The following MAPK6 variants were observed in gnomAD, a reference collection of about 807,000 sequenced individuals.
The protein encoded by MAPK6 is mitogen-activated protein kinase 6, also known as ERK-3.
In MAPK6, 19 loss-of-function variants were observed where a neutral mutation model predicts 59.3. The ratio of observed to expected loss-of-function variants is 0.32; its 90% CI spans 0.22 to 0.47. The LOEUF is 0.47. Ranked by LOEUF, MAPK6 falls within the 20% of genes least tolerant of loss-of-function variation. The probability of loss-of-function intolerance (pLI) is 1.00; values close to 1 mark genes in which losing one functional copy is unlikely to be tolerated. For synonymous variants in MAPK6, 316 were observed against 290.3 expected (o/e 1.09, Z -0.90); for missense variants, 724 against 847.9 (o/e 0.85, Z 1.81).
chr15:52,017,486 C>CTATTTTCATTTTTTTTGTGGA (rs1323678524), upstream of MAPK6: 1 of 152,240 alleles, frequency 6.6e-6, no homozygotes, highest in East Asian at 1.9e-4. Flanking sequence ...TCAGTTAAGG[C>CTATTTTCATTTTTTTTGTGGA]TATTTTCATT....
Position 52,046,901 on chromosome 15 carries a change from T to A in MAPK6, c.441T>A (p.Asn147Lys), listed in dbSNP as rs1362268703. The A allele has an allele frequency of 6.2e-7, 1 of 1,613,880 alleles. No homozygotes were observed. Among genetic ancestry groups the A allele is most frequent in the Admixed American group, 1.7e-5 (1 of 59,950 alleles). The stretch of plus-strand genomic sequence containing the variant: ...GGCTCAAGTATATTCACTCTGCAAA[T>A]GTACTGCACAGAGATCTCAAACCAG... Reference protein sequence around the residue: ...LRGLKYIHSANVLHRDLKPAN... With the variant: ...LRGLKYIHSAKVLHRDLKPAN... Residue 147 changes from asparagine to lysine, a missense_variant, in exon 2 of 6, where the codon AAT (asparagine) becomes AAA (lysine). By Grantham distance (94) the Asn-to-Lys change is moderately conservative (BLOSUM62 0). Transcript: ENST00000261845.
intron 2 of MAPK6, among the ~76,000 whole-genome samples, chr15:51,989,710 C>G (rs534308226): frequency 6.6e-6 from 1 of 152,288 alleles, no homozygotes; most frequent in Non-Finnish European, 1.5e-5. Flanking sequence ...AGCAGTCCTC[C>G]TGCCTCAGTC....
At chr15:52,050,638 T>C (rs996473895) in intron 3 of MAPK6, among the ~76,000 whole-genome samples, 1 of 152,184 alleles carries the variant, frequency 6.6e-6, no homozygotes, top group Non-Finnish European at 1.5e-5. Flanking sequence ...AAAGCATAGG[T>C]CTGTATAAAA....
At chr15:52,003,222 G>A (rs571219831) in intron 2 of MAPK6, among the ~76,000 whole-genome samples, 3 of 151,828 alleles carry the variant, frequency 2.0e-5, no homozygotes, top group Non-Finnish European at 4.4e-5. Flanking sequence ...AAAAAAACAC[G>A]ATCAGATCTC....
At chr15:51,977,757 G>A (rs894910980) in intron 1 of MAPK6, among the ~76,000 whole-genome samples, 1 of 149,472 alleles carries the variant, frequency 6.7e-6, no homozygotes, top group African/African-American at 2.5e-5. Context: ...GAATGACTTC[G>A]AACTCCTGGC....
chr15:52,033,479 C>G (rs772033149), intron 1 of MAPK6, among the ~76,000 whole-genome samples: 2 of 152,202 alleles, frequency 1.3e-5, no homozygotes, highest in African/African-American at 2.4e-5. Context: ...CCTTGAACAT[C>G]AGACTCCAGA....
chr15:51,978,483 G>T lies in MAPK6; in HGVS notation c.-879-4723G>T, dbSNP rs12592087. Among the ~76,000 whole-genome samples, 1,096 of 151,902 alleles carry T rather than the reference G, an allele frequency of 7.2e-3. 33 individuals carry two copies. In the East Asian group the frequency reaches 0.08, roughly 11 times the overall value. On this transcript the variant is annotated intron_variant, in intron 1 of 7. Transcript: ENST00000691380. ...AACTCTATTACCACACCCAGCAGGG[G>T]CTGACCAGCATCCTATAATCAAAAT...
At position 52,046,642 on chromosome 15, in the gene MAPK6, A is replaced by G. The variant is rs1427869474; in HGVS notation, c.182A>G (p.His61Arg). 6.2e-7 allele frequency: 1 copy of G among 1,614,108 alleles called. No homozygotes were observed. The highest frequency in any genetic ancestry group is 8.5e-7 in the Non-Finnish European group (1 of 1,180,044). Reference protein sequence around the residue: ...IVLTDPQSVKHALREIKIIRR... With the variant: ...IVLTDPQSVKRALREIKIIRR... ...CTTACTGATCCCCAGAGTGTCAAAC[A>G]TGCTCTACGTGAAATCAAAATTATT... is the stretch of plus-strand genomic sequence containing the variant. The change falls in exon 2 of 6, where the codon CAT becomes CGT. Residue 61 changes from histidine (H) to arginine (R), a missense_variant. His to Arg is a conservative substitution (Grantham distance 29). Around this residue, in one of 4 missense-constraint regions of MAPK6, gnomAD observed 87 missense variants for 93.0 expected, o/e 0.93. Transcript: ENST00000261845.
chr15:51,981,014 C>T (rs2057171231), intron 1 of MAPK6, among the ~76,000 whole-genome samples: 1 of 151,730 alleles, frequency 6.6e-6, no homozygotes, highest in Admixed American at 6.6e-5. Context: ...GATAGCAAAC[C>T]CCTTTCCTGA....
chr15:52,059,818 A>T (rs2032127316), intron 4 of MAPK6, among the ~76,000 whole-genome samples: 1 of 152,210 alleles, frequency 6.6e-6, no homozygotes, highest in South Asian at 2.1e-4. Context: ...AGTTTCTGAG[A>T]CTAAAGATTT....
At chr15:52,024,038 AT>A (rs1363762531) in intron 1 of MAPK6, among the ~76,000 whole-genome samples, 1 of 152,140 alleles carries the variant, frequency 6.6e-6, no homozygotes. Context: ...TAAATTTGGT[AT>A]TTTTTTCACA....
intron 1 of MAPK6, among the ~76,000 whole-genome samples, chr15:52,034,914 T>A (rs1265883026): frequency 6.6e-6 from 1 of 151,854 alleles, no homozygotes; most frequent in Non-Finnish European, 1.5e-5. Context: ...GTCAGGCTGG[T>A]CTTGAACTCC....
intron 1 of MAPK6, among the ~76,000 whole-genome samples, chr15:52,030,178 G>C (rs1380746736): frequency 6.6e-6 from 1 of 152,130 alleles, no homozygotes; most frequent in African/African-American, 2.4e-5. Context: ...TAGCAGTGCT[G>C]GTAGCTTCTT....
At chr15:52,028,052 A>C (rs1159430511) in intron 1 of MAPK6, among the ~76,000 whole-genome samples, 1 of 139,506 alleles carries the variant, frequency 7.2e-6, no homozygotes, top group Non-Finnish European at 1.5e-5. Flanking sequence ...TCCCAGGTTC[A>C]CGCCATTCTT....
At chr15:52,000,649 T>C (rs1026275889) in intron 2 of MAPK6, among the ~76,000 whole-genome samples, 1 of 151,716 alleles carries the variant, frequency 6.6e-6, no homozygotes, top group Admixed American at 6.6e-5. Context: ...CTACTGAAAA[T>C]ACAAAAATTA....
intron 1 of MAPK6, among the ~76,000 whole-genome samples, chr15:52,026,361 C>T (rs923653475): frequency 2.0e-5 from 3 of 152,068 alleles, no homozygotes; most frequent in African/African-American, 7.2e-5. Flanking sequence ...GTGTGATCTT[C>T]GCTCACTGCA....
chr15:52,047,086 T>C, intron 2 of MAPK6, 71 bp downstream of exon 2: 1 of 1,148,382 alleles, frequency 8.7e-7, no homozygotes, highest in South Asian at 2.6e-5. Context: ...TACTTATATT[T>C]TCTTTGTATA....
chr15:52,054,422 C>T (rs2031891255), intron 3 of MAPK6, among the ~76,000 whole-genome samples: 1 of 152,138 alleles, frequency 6.6e-6, no homozygotes, highest in African/African-American at 2.4e-5. Flanking sequence ...TGCATGTGGA[C>T]ATCCTCTTGT....
chr15:52,055,541 A>T (rs2141110097), intron 3 of MAPK6, among the ~76,000 whole-genome samples: 1 of 152,254 alleles, frequency 6.6e-6, no homozygotes, highest in Non-Finnish European at 1.5e-5. Context: ...GTTTTGGAGG[A>T]GTCTCGCTCT....
Sources: gnomAD v4.1 joint callset for allele counts (sites outside exome capture counted in the v4.1 genomes callset) on GRCh38, gnomAD v4.1.1 for gene constraint, gnomAD v4.1.1 regional missense constraint, MANE v1.5 for transcripts, NCBI Gene and HGNC (gene_info 2026-07-23, HGNC 2026-07-21) for gene names.